Variants in RUVBL1 observed in about 807,000 individuals in gnomAD.
The protein encoded by RUVBL1 is RuvB like AAA ATPase 1.
A neutral mutation model predicts 52.4 loss-of-function variants in RUVBL1; 4 were observed. The observed-to-expected ratio is 0.08, with a 90% CI of 0.04 to 0.17. The LOEUF (loss-of-function observed/expected upper bound fraction) is 0.17. RUVBL1 is among the 10% of genes least tolerant of loss of function. The pLI, the probability that RUVBL1 is intolerant of heterozygous loss-of-function variation, is 1.00. For missense variants in RUVBL1, 298 were observed against 572.8 expected (o/e 0.52, Z 4.90); for synonymous variants, 217 against 214.4 (o/e 1.01, Z -0.10).
At chr3:128,137,916 A>G (rs1448151561) in intron 1 of RUVBL1, among the ~76,000 whole-genome samples, 2 of 152,238 alleles carry the variant, frequency 1.3e-5, no homozygotes, top group Non-Finnish European at 1.5e-5. Context: ...GTGGTACATC[A>G]TATCAATAAA....
intron 2 of RUVBL1, 105 bp from the exon 3 acceptor site, chr3:128,113,125 G>A: frequency 1.5e-6 from 2 of 1,291,512 alleles, no homozygotes; most frequent in Admixed American, 2.5e-5. Context: ...TGAACATCTA[G>A]TCCTACCATT....
intron 3 of RUVBL1, among the ~76,000 whole-genome samples, chr3:128,107,465 T>C (rs1399117982): frequency 2.0e-5 from 3 of 152,268 alleles, no homozygotes; most frequent in African/African-American, 7.2e-5. Flanking sequence ...AATATTCCAA[T>C]GGCACTAAGA....
upstream of RUVBL1, among the ~76,000 whole-genome samples, chr3:128,127,036 C>T (rs1576481940): frequency 6.6e-6 from 1 of 152,188 alleles, no homozygotes. Flanking sequence ...ACAGTCAGTC[C>T]TGGCAATTTA....
downstream of RUVBL1, among the ~76,000 whole-genome samples, chr3:128,076,721 G>GCT (rs1314964036): frequency 6.6e-6 from 1 of 151,878 alleles, no homozygotes; most frequent in Non-Finnish European, 1.5e-5. The surrounding 1 kb of genome is among the most constrained non-coding windows in gnomAD (Gnocchi z 6.8). Flanking sequence ...ACGCGCGCGC[G>GCT]CAGCCCCGTG....
chr3:128,070,225 G>A (rs186996241), intron 9 of RUVBL1: 1 of 152,414 alleles, frequency 6.6e-6, no homozygotes, highest in Admixed American at 6.5e-5. Flanking sequence ...ATTTTTTTAA[G>A]GACAGAACTT....
At chr3:128,137,555 C>T (rs550363639) in intron 1 of RUVBL1, among the ~76,000 whole-genome samples, 18 of 152,250 alleles carry the variant, frequency 1.2e-4, no homozygotes, top group African/African-American at 4.1e-4. Context: ...TAAAAAGTCT[C>T]CCAGCAAAGA....
At chr3:128,111,151 G>A (rs1332337126) in intron 3 of RUVBL1, among the ~76,000 whole-genome samples, 2 of 150,856 alleles carry the variant, frequency 1.3e-5, no homozygotes, top group Non-Finnish European at 2.9e-5. Context: ...CTTGAACCCA[G>A]GAGGCTGAGG....
In RUVBL1 at chr3:128,107,368, G is replaced by A. The variant is rs148066784; in HGVS notation, c.362-2444C>T. Among the ~76,000 whole-genome samples the A allele has an allele frequency of 6.5e-3, 983 of 152,360 alleles. 6 individuals are homozygous for A. The highest frequency in any genetic ancestry group is 0.014 in the Middle Eastern group (4 of 294). ...ATGAAAAACTATTCAACTCACAAAT[G>A]TGGAGACATAAACTAGTTCTGATGG... is the stretch of plus-strand genomic sequence containing the variant. On this transcript the variant is annotated intron_variant, in intron 3 of 10. Coordinates refer to ENST00000322623, the MANE Select transcript of RUVBL1 (RefSeq NM_003707.3).
At chr3:128,142,122 G>A (rs1172365857) in intron 1 of RUVBL1, 1 of 152,382 alleles carries the variant, frequency 6.6e-6, no homozygotes, top group Non-Finnish European at 1.5e-5. Flanking sequence ...CCTCTGCTGG[G>A]AGCAGTGTTT....
Position 128,081,132 on chromosome 3 carries a change from C to A in RUVBL1, c.*118G>T. On this transcript the variant is annotated 3_prime_UTR_variant, in exon 11 of 11. Transcript: ENST00000322623. This position sits in a 1 kb window ranked among gnomAD's most constrained non-coding sequence, Gnocchi z 4.8. ...AATGCTTTCCACACTGAACTGACAG[C>A]GCTGCAGACCACGCCTGAGTGGGGA... The A allele has an allele frequency of 2.1e-6, 2 of 948,550 alleles. No individual in the cohort carries two copies. Among genetic ancestry groups the A allele is most frequent in the Non-Finnish European group, 3.2e-6 (2 of 627,424 alleles). The allele number at this position is 948,550 out of a possible 1,614,324, so 58.8% of individuals were successfully genotyped here.
In RUVBL1 at chr3:128,128,993, G is replaced by T. The variant is rs1395605027; in HGVS notation, c.-39-9579C>A. Among the ~76,000 whole-genome samples the T allele has an allele frequency of 2.0e-5, 3 of 152,076 alleles. No individual in the cohort carries two copies. The South Asian group carries it at 6.2e-4, about 32-fold the overall frequency. ...CTATCCTCCCTGATCATTCCCACAG[G>T]ATATGTGCAATCTTTCTCCCTCCTC... On this transcript the variant is annotated intron_variant, in intron 1 of 9. Coordinates refer to the RUVBL1 transcript ENST00000464873.
intron 1 of RUVBL1, among the ~76,000 whole-genome samples, chr3:128,150,050 T>C (rs943010159): frequency 1.6e-4 from 25 of 152,336 alleles, no homozygotes; most frequent in African/African-American, 6.0e-4. Context: ...CGTTCTTTCA[T>C]CAATTTCCCT....
chr3:128,087,268 C>T (rs535876771), intron 9 of RUVBL1, among the ~76,000 whole-genome samples: 3 of 152,374 alleles, frequency 2.0e-5, no homozygotes, highest in African/African-American at 7.2e-5. Flanking sequence ...TCAGGTGGAA[C>T]AGCGAGCCTG....
At chr3:128,065,657 C>T (rs1449392812) in intron 9 of RUVBL1, among the ~76,000 whole-genome samples, 1 of 151,694 alleles carries the variant, frequency 6.6e-6, no homozygotes, top group Non-Finnish European at 1.5e-5. Context: ...TCTGCTGAGA[C>T]TAAGCCACAT....
chr3:128,098,853 T>C, intron 7 of RUVBL1, 29 bp downstream of exon 7: 1 of 1,607,562 alleles, frequency 6.2e-7, no homozygotes. Flanking sequence ...GCCCTGCCCC[T>C]TGCTCACAGG....
At chr3:128,096,776 G>A (rs556999177) in intron 8 of RUVBL1, among the ~76,000 whole-genome samples, 10 of 151,880 alleles carry the variant, frequency 6.6e-5, no homozygotes, top group African/African-American at 1.9e-4. Flanking sequence ...GCAGTGAGCC[G>A]AGATCGCGCC....
chr3:128,117,940 TGA>T (rs527991048), intron 2 of RUVBL1, among the ~76,000 whole-genome samples: 33 of 152,110 alleles, frequency 2.2e-4, no homozygotes, highest in African/African-American at 6.7e-4. Flanking sequence ...CAAATAACAT[TGA>T]GAGAGAAGTA....
intron 1 of RUVBL1, among the ~76,000 whole-genome samples, chr3:128,132,926 C>T (rs961107500): frequency 2.5e-4 from 38 of 152,288 alleles, no homozygotes; most frequent in African/African-American, 7.9e-4. Context: ...GGTAGAGCAC[C>T]GAGTGGTCTT....
chr3:128,123,960 C>T, upstream of RUVBL1: 1 of 1,219,308 alleles, frequency 8.2e-7, no homozygotes, highest in Non-Finnish European at 1.0e-6. Flanking sequence ...GGGTTGGCTT[C>T]CCCCGTAGCC....
Sources: allele counts gnomAD v4.1 joint callset (sites outside exome capture counted in the v4.1 genomes callset), GRCh38; gene constraint gnomAD v4.1.1; non-coding constraint Gnocchi (gnomAD v3.1); transcripts MANE v1.5; gene names NCBI Gene and HGNC (gene_info 2026-07-23, HGNC 2026-07-21).